RAB40B: variants seen among roughly 807,000 people sequenced by gnomAD.
The protein encoded by RAB40B is RAB40B, member RAS oncogene family, also known as ras-related protein Rab-40B.
A neutral mutation model predicts 24.0 loss-of-function variants in RAB40B; 21 were observed. That is an observed-to-expected ratio of 0.88 (90% CI 0.62 to 1.26). The LOEUF is 1.26. Among genes scored for constraint, RAB40B ranks in the 50% most tolerant of loss-of-function variants. The pLI, the probability that RAB40B is intolerant of heterozygous loss-of-function variation, is 0.00. For synonymous variants in RAB40B, 167 were observed against 169.8 expected, an observed-to-expected ratio of 0.98 and a Z score of 0.13; for missense variants, 348 against 390.5, an observed-to-expected ratio of 0.89 and a Z score of 0.92.
In RAB40B at chr17:82,664,559, G is replaced by A; in HGVS notation, c.143-3C>T. 1.2e-6 allele frequency: 2 copies of A among 1,613,528 alleles called. No individual in the cohort carries two copies. The highest frequency in any genetic ancestry group is 1.7e-4 in the Middle Eastern group (1 of 6,054). On this transcript the variant is annotated splice_polypyrimidine_tract_variant and splice_region_variant and intron_variant, in intron 1 of 5. Coordinates refer to ENST00000571995, the MANE Select transcript of RAB40B (RefSeq NM_006822.3). Reference sequence around the variant, plus strand: ...GGTGGTCGTCTTGTAGTCGATGCCTGCGGAAGGGTTAGAGACGGCTTAGGC... The same window carrying A: ...GGTGGTCGTCTTGTAGTCGATGCCTACGGAAGGGTTAGAGACGGCTTAGGC...
rs2046568649 is a variant in RAB40B, at chr17:82,692,516, C to T, written c.142+5939G>A. On this transcript the variant is annotated intron_variant, in intron 1 of 5. Transcript: ENST00000571995. The surrounding 1 kb of genome is among the most constrained non-coding windows in gnomAD (Gnocchi z 4.0). The stretch of plus-strand genomic sequence containing the variant: ...TGACCCGGGGCACACACACAAGAGA[C>T]AGGCGGGCCAACGGTGCAGACCCAG... Among the ~76,000 whole-genome samples the T allele has an allele frequency of 6.6e-6, 1 of 151,972 alleles. No individual in the cohort carries two copies. Among genetic ancestry groups the T allele is most frequent in the African/African-American group, 2.4e-5 (1 of 41,368 alleles).
At position 82,656,791 on chromosome 17, in the gene RAB40B, A is replaced by C. The variant is rs192563357; in HGVS notation, c.*1072T>G. The C allele has an allele frequency of 6.6e-6, 1 of 152,286 alleles. No homozygotes were observed. The highest frequency in any genetic ancestry group is 2.4e-5 in the African/African-American group (1 of 41,452). 9.4% of individuals were successfully genotyped at this position (152,286 alleles called of 1,614,324 possible). On this transcript the variant is annotated 3_prime_UTR_variant, in exon 6 of 6. Coordinates refer to ENST00000571995, the MANE Select transcript of RAB40B (RefSeq NM_006822.3). ...CACTTTGGGAGGCCAAGGTGGGTGG[A>C]TCACCTGAGGTTAGGAGTTCAACAC...
rs1168181437 is a variant in RAB40B, at chr17:82,697,499, C to G, written c.142+956G>C. 6.6e-6 allele frequency among the ~76,000 whole-genome samples: 1 copy of G among 152,158 alleles called. No individual in the cohort carries two copies. The highest frequency in any genetic ancestry group is 1.9e-4 in the East Asian group (1 of 5,188). ...CCTCCGCCCAGGACTCAGAGCGGGT[C>G]TCTGTTGGAAGCGTGGGTTCAGCCC... On this transcript the variant is annotated intron_variant, in intron 1 of 5. Transcript: ENST00000571995. This position sits in a 1 kb window ranked among gnomAD's most constrained non-coding sequence, Gnocchi z 4.9.
In RAB40B at chr17:82,663,829, T is replaced by C. The variant is rs1471819878; in HGVS notation, c.203+667A>G. ...CCCACAGACACCAGGCCACAGGTTC[T>C]GATCCCAAAAGCCGATTCCCAGCCA... On this transcript the variant is annotated intron_variant, in intron 2 of 5. Coordinates refer to ENST00000571995, the MANE Select transcript of RAB40B (RefSeq NM_006822.3). This position sits in a 1 kb window ranked among gnomAD's most constrained non-coding sequence, Gnocchi z 6.2. 6.6e-6 allele frequency among the ~76,000 whole-genome samples: 1 copy of C among 152,196 alleles called. No individual in the cohort carries two copies. Among genetic ancestry groups the C allele is most frequent in the East Asian group, 1.9e-4 (1 of 5,192 alleles).
In RAB40B at chr17:82,675,989, G is replaced by A. The variant is rs1210129527; in HGVS notation, c.143-11433C>T. On this transcript the variant is annotated intron_variant, in intron 1 of 5. Transcript: ENST00000571995. The surrounding 1 kb of genome is among the most constrained non-coding windows in gnomAD (Gnocchi z 4.5). ...TGAGTCTCCTGGTACGGGACGGTGA[G>A]GACCCCACAGGGCTGGTAAAGCACA... 6.6e-6 allele frequency among the ~76,000 whole-genome samples: 1 copy of A among 152,136 alleles called. No homozygotes were observed. Among genetic ancestry groups the A allele is most frequent in the Admixed American group, 6.5e-5 (1 of 15,282 alleles).
rs1291030223 is a variant in RAB40B, at chr17:82,686,043, C to T, written c.142+12412G>A. Reference sequence around the variant, plus strand: ...GGTCTCAAACTGCTGAACTCGTGATCTGCCCGCCTTGGCCTCCCAAAGTGC... The same window carrying T: ...GGTCTCAAACTGCTGAACTCGTGATTTGCCCGCCTTGGCCTCCCAAAGTGC... On this transcript the variant is annotated intron_variant, in intron 1 of 5. Transcript: ENST00000571995. 4.0e-5 allele frequency among the ~76,000 whole-genome samples: 6 copies of T among 150,654 alleles called. No homozygotes were observed. The East Asian group carries it at 7.8e-4, about 20-fold the overall frequency.
chr17:82,678,751 G>C (rs1444817724), intron 1 of RAB40B, among the ~76,000 whole-genome samples: 1 of 152,174 alleles, frequency 6.6e-6, no homozygotes, highest in Non-Finnish European at 1.5e-5. Context: ...ACAGCACAGG[G>C]CTCCTGGAAG....
Position 82,662,394 on chromosome 17 carries a change from C to T in RAB40B, c.204-1347G>A, listed in dbSNP as rs7225035. On this transcript the variant is annotated intron_variant, in intron 2 of 5. Coordinates refer to ENST00000571995, the MANE Select transcript of RAB40B (RefSeq NM_006822.3). ...AGGGAGGCCGAAGGGCCAGCACGTG[C>T]TGTCAGAGTGCCCCATCGTGAAGTG... is the stretch of plus-strand genomic sequence containing the variant. 3.0e-6 allele frequency: 3 copies of T among 985,206 alleles called. No individual in the cohort carries two copies. The South Asian group carries it at 1.4e-4, about 46-fold the overall frequency. 61.0% of individuals were successfully genotyped at this position (985,206 alleles called of 1,614,324 possible).
intron 3 of RAB40B, 44 bp downstream of exon 3, chr17:82,660,943 T>C (rs371788068): frequency 1.1e-5 from 17 of 1,587,468 alleles, no homozygotes; most frequent in Non-Finnish European, 1.3e-5. Context: ...AATGTTATTA[T>C]TCAAAGTTGG....
In RAB40B at chr17:82,657,082, A is replaced by G. The variant is rs1456304552; in HGVS notation, c.*781T>C. The G allele has an allele frequency of 2.0e-5, 3 of 152,700 alleles. No individual in the cohort carries two copies. Among genetic ancestry groups the G allele is most frequent in the African/African-American group, 4.8e-5 (2 of 41,450 alleles). The allele number at this position is 152,700 out of a possible 1,614,324, so 9.5% of individuals were successfully genotyped here. ...TCGCCAACTCTACCAAGAGAGAAAC[A>G]ACTATACATTTTATTGTTGAGAAAC... On this transcript the variant is annotated 3_prime_UTR_variant, in exon 6 of 6. Transcript: ENST00000571995.
rs988384391 is a variant in RAB40B at position 82,655,858 on chromosome 17, G to C, written c.*2005C>G. 1 of 152,094 alleles carries C rather than the reference G, an allele frequency of 6.6e-6. No individual in the cohort carries two copies. The highest frequency in any genetic ancestry group is 1.5e-5 in the Non-Finnish European group (1 of 68,076). 9.4% of individuals were successfully genotyped at this position (152,094 alleles called of 1,614,324 possible). A position where few individuals can be genotyped will look rare whatever the true frequency, so the allele number is the denominator to read the frequency against. ...GACACCCCCAAGCCTGGGTCCACCCGCAGGGACCAGTGCTCCTCTCTCCTG... is the reference window on the plus strand; with the variant it reads ...GACACCCCCAAGCCTGGGTCCACCCCCAGGGACCAGTGCTCCTCTCTCCTG... On this transcript the variant is annotated 3_prime_UTR_variant, in exon 6 of 6. Coordinates refer to ENST00000571995, the MANE Select transcript of RAB40B (RefSeq NM_006822.3).
chr17:82,673,836 T>G lies in RAB40B; in HGVS notation c.143-9280A>C, dbSNP rs577918094. On this transcript the variant is annotated intron_variant, in intron 1 of 5. Coordinates refer to ENST00000571995, the MANE Select transcript of RAB40B (RefSeq NM_006822.3). ...ATTTTGGGGAACTTTCTTGGATAAT[T>G]TGTTCTCTCCTTCTGGGATGTGATT... Among the ~76,000 whole-genome samples the G allele has an allele frequency of 2.8e-4, 43 of 152,130 alleles. 1 individual carries two copies. The highest frequency in any genetic ancestry group is 5.3e-4 in the Non-Finnish European group (36 of 68,024).
Position 82,698,561 on chromosome 17 carries a change from G to A in RAB40B, c.36C>T (p.Asp12=). 6.6e-7 allele frequency: 1 copy of A among 1,516,250 alleles called. No homozygotes were observed. The highest frequency in any genetic ancestry group is 8.9e-7 in the Non-Finnish European group (1 of 1,125,782). The allele number at this position is 1,516,250 out of a possible 1,614,324, so 93.9% of individuals were successfully genotyped here. ...CCACCAGCAGGAACTTGAGCAGAAA[G>A]TCGTAGGCCCGGACCGGGCTGCCCA... ...SALGSPVRAY[D]FLLKFLLVGD... The change falls in exon 1 of 6, where the codon GAC becomes GAT. Residue 12 remains aspartate (D), a synonymous_variant. Coordinates refer to ENST00000571995, the MANE Select transcript of RAB40B (RefSeq NM_006822.3).
At chr17:82,687,436 A>C (rs891737074) in intron 1 of RAB40B, among the ~76,000 whole-genome samples, 14 of 152,196 alleles carry the variant, frequency 9.2e-5, no homozygotes, top group African/African-American at 3.1e-4. Flanking sequence ...CACAAATATA[A>C]ATAACACACC....
intron 1 of RAB40B, among the ~76,000 whole-genome samples, chr17:82,691,464 T>C (rs1320317557): frequency 6.6e-6 from 1 of 152,104 alleles, no homozygotes; most frequent in Non-Finnish European, 1.5e-5. Flanking sequence ...GGCAGGCGGA[T>C]TGCCTGAGGT....
chr17:82,697,204 C>G lies in RAB40B; in HGVS notation c.142+1251G>C, dbSNP rs2046618803. On this transcript the variant is annotated intron_variant, in intron 1 of 5. Transcript: ENST00000571995. The surrounding 1 kb of genome is among the most constrained non-coding windows in gnomAD (Gnocchi z 4.9). Reference sequence around the variant, plus strand: ...TCCCCTAAGCTGAGGTGTGGCCGGGCACCTGAGTCCCACCCCACGCTCCAC... The same window carrying G: ...TCCCCTAAGCTGAGGTGTGGCCGGGGACCTGAGTCCCACCCCACGCTCCAC... 6.6e-6 allele frequency among the ~76,000 whole-genome samples: 1 copy of G among 152,160 alleles called. No homozygotes were observed. Among genetic ancestry groups the G allele is most frequent in the Admixed American group, 6.5e-5 (1 of 15,272 alleles).
At chr17:82,684,648 G>A (rs1365631278) in intron 1 of RAB40B, among the ~76,000 whole-genome samples, 3 of 152,200 alleles carry the variant, frequency 2.0e-5, no homozygotes, top group African/African-American at 4.8e-5. Flanking sequence ...AGAGGCTCAG[G>A]GCTGCTGAGT....
chr17:82,691,449 GC>G (rs1473868268), intron 1 of RAB40B, among the ~76,000 whole-genome samples: 1 of 152,174 alleles, frequency 6.6e-6, no homozygotes, highest in Non-Finnish European at 1.5e-5. Context: ...TACTCGGGAG[GC>G]CCAGGCAGGC....
In RAB40B at chr17:82,692,420, C is replaced by T. The variant is rs187748463; in HGVS notation, c.142+6035G>A. The stretch of plus-strand genomic sequence containing the variant: ...AAAGGGAACACCTGGGCACAGCTGC[C>T]TGAGCAAGGACAAGATGCATCTGAC... On this transcript the variant is annotated intron_variant, in intron 1 of 5. Transcript: ENST00000571995. This position sits in a 1 kb window ranked among gnomAD's most constrained non-coding sequence, Gnocchi z 4.0. Among the ~76,000 whole-genome samples the T allele has an allele frequency of 6.6e-6, 1 of 152,332 alleles. No homozygotes were observed. Among genetic ancestry groups the T allele is most frequent in the Admixed American group, 6.5e-5 (1 of 15,304 alleles).
Sources: allele counts gnomAD v4.1 joint callset (sites outside exome capture counted in the v4.1 genomes callset), GRCh38; gene constraint gnomAD v4.1.1; non-coding constraint Gnocchi (gnomAD v3.1); transcripts MANE v1.5; gene names NCBI Gene and HGNC (gene_info 2026-07-23, HGNC 2026-07-21).